The following SOX6 variants were observed in gnomAD, a reference collection of about 807,000 sequenced individuals.
SOX6 encodes the protein SRY-box transcription factor 6.
A neutral mutation model predicts 97.8 loss-of-function variants in SOX6; 11 were observed. The observed-to-expected ratio is 0.11, with a 90% CI of 0.07 to 0.19. The LOEUF (loss-of-function observed/expected upper bound fraction) is 0.19. Among genes scored for constraint, SOX6 ranks in the 10% least tolerant of loss-of-function variants. The probability of loss-of-function intolerance (pLI) is 1.00; values close to 1 mark genes in which losing one functional copy is unlikely to be tolerated. For missense variants in SOX6, 810 were observed against 1,039.5 expected (o/e 0.78, Z 3.04); for synonymous variants, 360 against 371.4 (o/e 0.97, Z 0.35).
At chr11:16,297,088 A>G (rs1207423730) in intron 3 of SOX6, among the ~76,000 whole-genome samples, 23 of 152,160 alleles carry the variant, frequency 1.5e-4, no homozygotes, top group Admixed American at 1.5e-3. Flanking sequence ...ATGACTTACA[A>G]GAAGTAAATA....
At chr11:16,223,901 T>A (rs962428790) in intron 4 of SOX6, among the ~76,000 whole-genome samples, 3 of 152,128 alleles carry the variant, frequency 2.0e-5, no homozygotes, top group African/African-American at 7.2e-5. Context: ...AAATGTCTTG[T>A]ATTTGTATTA....
chr11:16,516,664 T>G (rs749546955), intron 4 of SOX6, among the ~76,000 whole-genome samples: 186 of 149,098 alleles, frequency 1.2e-3, no homozygotes, highest in Middle Eastern at 3.5e-3. Context: ...AATAACAGGA[T>G]CTGAAATTGT....
intron 9 of SOX6, among the ~76,000 whole-genome samples, chr11:16,081,529 T>TA (rs1168265808): frequency 6.6e-6 from 1 of 152,174 alleles, no homozygotes; most frequent in Non-Finnish European, 1.5e-5. Context: ...TTACATGATG[T>TA]AAAATCACAG....
chr11:16,719,502 CT>C (rs2134052606), intron 2 of SOX6, among the ~76,000 whole-genome samples: 1 of 152,250 alleles, frequency 6.6e-6, no homozygotes, highest in Admixed American at 6.5e-5. Flanking sequence ...ACAAATTTTC[CT>C]GATATAATTT....
At chr11:16,230,077 T>G (rs1483263572) in intron 4 of SOX6, among the ~76,000 whole-genome samples, 1 of 151,770 alleles carries the variant, frequency 6.6e-6, no homozygotes, top group Non-Finnish European at 1.5e-5. Flanking sequence ...ATGACAAATT[T>G]GAAAAACAAA....
chr11:16,273,480 CCATT>C (rs1854312569), intron 3 of SOX6, among the ~76,000 whole-genome samples: 2 of 151,776 alleles, frequency 1.3e-5, no homozygotes, highest in Non-Finnish European at 2.9e-5. Flanking sequence ...ACCCTGATCC[CCATT>C]CAAATTGCAA....
intron 3 of SOX6, among the ~76,000 whole-genome samples, chr11:16,627,667 G>C (rs1032631715): frequency 6.6e-6 from 1 of 152,066 alleles, no homozygotes; most frequent in African/African-American, 2.4e-5. Context: ...TTGTTCAATT[G>C]TTTAAGCTCC....
At chr11:16,436,156 T>G (rs1859372075) in intron 1 of SOX6, among the ~76,000 whole-genome samples, 1 of 152,206 alleles carries the variant, frequency 6.6e-6, no homozygotes, top group South Asian at 2.1e-4. Context: ...CACGTTTACC[T>G]ATGTAACAAA....
At chr11:16,263,033 C>T (rs1853951170) in intron 3 of SOX6, among the ~76,000 whole-genome samples, 1 of 151,934 alleles carries the variant, frequency 6.6e-6, no homozygotes, top group Admixed American at 6.6e-5. Flanking sequence ...TCAAATTCAC[C>T]TGTCTTTGTC....
At chr11:16,609,400 C>T (rs1303023607) in intron 4 of SOX6, among the ~76,000 whole-genome samples, 2 of 152,178 alleles carry the variant, frequency 1.3e-5, no homozygotes, top group African/African-American at 2.4e-5. Flanking sequence ...TGTATAGAAA[C>T]TCATATGAGA....
chr11:16,044,254 G>A (rs751732015), intron 12 of SOX6, among the ~76,000 whole-genome samples: 5 of 151,886 alleles, frequency 3.3e-5, no homozygotes, highest in Non-Finnish European at 7.4e-5. Flanking sequence ...GGAGAGAAGA[G>A]GTATGCTTAA....
intron 1 of SOX6, among the ~76,000 whole-genome samples, chr11:16,386,917 G>A (rs1858004539): frequency 6.6e-6 from 1 of 152,096 alleles, no homozygotes. Context: ...GGTACTCAAT[G>A]GATTTAGGAG....
At chr11:16,412,985 G>T (rs1056750650) in intron 1 of SOX6, among the ~76,000 whole-genome samples, 1 of 152,270 alleles carries the variant, frequency 6.6e-6, no homozygotes, top group Non-Finnish European at 1.5e-5. Context: ...TCAACCACAG[G>T]TACCAAAAGT....
rs542147423 is a variant in SOX6, at chr11:16,012,911, C to G, written c.1732+2031G>C. On this transcript the variant is annotated intron_variant, in intron 13 of 15. Coordinates refer to ENST00000683767, the MANE Select transcript of SOX6 (RefSeq NM_001367873.1). ...TAAAAAAAGTTTTCTAAAAACAAAA[C>G]AGCCAGGGAAATTGGTTTCAATCTA... Among the ~76,000 whole-genome samples, 7 of 152,068 alleles carry G rather than the reference C, an allele frequency of 4.6e-5. No homozygotes were observed. The East Asian group carries it at 1.4e-3, about 30-fold the overall frequency.
chr11:16,294,308 TAA>T (rs1855004498), intron 3 of SOX6, among the ~76,000 whole-genome samples: 1 of 152,144 alleles, frequency 6.6e-6, no homozygotes, highest in Non-Finnish European at 1.5e-5. Context: ...TTATTATTTT[TAA>T]AAGTCTTGAG....
At chr11:16,235,475 G>A (rs769827754) in intron 3 of SOX6, among the ~76,000 whole-genome samples, 3 of 151,884 alleles carry the variant, frequency 2.0e-5, no homozygotes, top group Admixed American at 2.0e-4. Flanking sequence ...TGCAACTGGT[G>A]CTACTGCTTA....
chr11:15,987,813 A>C (rs1481717031), intron 14 of SOX6, among the ~76,000 whole-genome samples: 1 of 152,118 alleles, frequency 6.6e-6, no homozygotes, highest in African/African-American at 2.4e-5. Context: ...TGAAGCTCTA[A>C]AAATAAAAAC....
intron 3 of SOX6, among the ~76,000 whole-genome samples, chr11:16,680,541 C>T (rs564289730): frequency 2.6e-5 from 4 of 152,306 alleles, no homozygotes; most frequent in African/African-American, 4.8e-5. Context: ...TATGAAGAAA[C>T]GGCATCAATT....
intron 3 of SOX6, among the ~76,000 whole-genome samples, chr11:16,648,525 G>T (rs1477604807): frequency 6.6e-6 from 1 of 152,152 alleles, no homozygotes; most frequent in Non-Finnish European, 1.5e-5. Context: ...CACTACAGCA[G>T]CTAGTGTTCT....
Sources: allele counts gnomAD v4.1 joint callset (sites outside exome capture counted in the v4.1 genomes callset), GRCh38; gene constraint gnomAD v4.1.1; transcripts MANE v1.5; gene names NCBI Gene and HGNC (gene_info 2026-07-23, HGNC 2026-07-21).